The following CRTC1 variants were observed in gnomAD, a reference collection of about 807,000 sequenced individuals.
The protein encoded by CRTC1 is CREB regulated transcription coactivator 1.
A neutral mutation model predicts 66.1 loss-of-function variants in CRTC1; 18 were observed. The observed-to-expected ratio is 0.27, with a 90% confidence interval of 0.19 to 0.40. CRTC1 has a LOEUF of 0.40. CRTC1 is among the 10% of genes least tolerant of loss of function. CRTC1 has a pLI of 1.00. For missense variants in CRTC1, 669 were observed against 887.9 expected, an observed-to-expected ratio of 0.75 and a Z score of 3.13; for synonymous variants, 416 against 398.8, an observed-to-expected ratio of 1.04 and a Z score of -0.51.
rs2054915307 is a variant in CRTC1, at chr19:18,773,462, C to T, written c.1426-1438C>T. On this transcript the variant is annotated intron_variant, in intron 11 of 13. Coordinates refer to ENST00000321949, the MANE Select transcript of CRTC1 (RefSeq NM_015321.3). ...TCAGCCTGTGTTCCCCTGTGTATGC[C>T]AGGCCTTTTTGAGCCCAAGCCCTCA... 1.3e-5 allele frequency among the ~76,000 whole-genome samples: 2 copies of T among 152,184 alleles called. 1 individual carries two copies. Among genetic ancestry groups the T allele is most frequent in the South Asian group, 4.1e-4 (2 of 4,830 alleles).
At chr19:18,690,346 C>A (rs565701119) in intron 1 of CRTC1, among the ~76,000 whole-genome samples, 71 of 152,210 alleles carry the variant, frequency 4.7e-4, no homozygotes, top group South Asian at 1.5e-3. Flanking sequence ...AGTGTGGAGC[C>A]CGCCCCCCAG....
intron 5 of CRTC1, among the ~76,000 whole-genome samples, chr19:18,752,191 C>A (rs917479341): frequency 1.3e-5 from 2 of 151,570 alleles, no homozygotes; most frequent in Non-Finnish European, 2.9e-5. Context: ...TACACACAAG[C>A]TAGGCAGCTG....
At position 18,771,310 on chromosome 19, in the gene CRTC1, G is replaced by A. The variant is rs138381051; in HGVS notation, c.1321-132G>A. 857 of 681,032 alleles carry A rather than the reference G, an allele frequency of 1.3e-3. 3 individuals carry two copies. The African/African-American group carries it at 0.014, about 11-fold the overall frequency. 42.2% of individuals were successfully genotyped at this position (681,032 alleles called of 1,614,324 possible). On this transcript the variant is annotated intron_variant, in intron 10 of 13. Transcript: ENST00000321949. This position sits in a 1 kb window ranked among gnomAD's most constrained non-coding sequence, Gnocchi z 4.6. ...AGGCTCCTCTGCCTACCAGTGGGGT[G>A]GCGACCATCACCAAGGTGTGAGGGG... is the stretch of plus-strand genomic sequence containing the variant.
chr19:18,685,703 A>G (rs1568472446), intron 1 of CRTC1, among the ~76,000 whole-genome samples: 1 of 152,106 alleles, frequency 6.6e-6, no homozygotes. Context: ...GCATCCTTCC[A>G]CGTGAGTGTC....
At chr19:18,715,921 T>C (rs1401378988) in intron 1 of CRTC1, among the ~76,000 whole-genome samples, 4 of 152,170 alleles carry the variant, frequency 2.6e-5, no homozygotes, top group African/African-American at 9.7e-5. Context: ...GGTTGGCTGC[T>C]GTTTGGAGCT....
intron 1 of CRTC1, among the ~76,000 whole-genome samples, chr19:18,694,842 G>A (rs2052945491): frequency 6.6e-6 from 1 of 152,012 alleles, no homozygotes; most frequent in East Asian, 1.9e-4. Context: ...GGCTGGGGGT[G>A]GTTAGCAAGG....
At chr19:18,767,670 A>C (rs991844685) in intron 9 of CRTC1, among the ~76,000 whole-genome samples, 1 of 152,174 alleles carries the variant, frequency 6.6e-6, no homozygotes, top group Non-Finnish European at 1.5e-5. Context: ...ATCCAGACAG[A>C]GCTGTGGGCG....
chr19:18,701,225 C>T (rs1018038779), intron 1 of CRTC1, among the ~76,000 whole-genome samples: 4 of 152,266 alleles, frequency 2.6e-5, no homozygotes, highest in Non-Finnish European at 5.9e-5. Context: ...GAGCCCGGGG[C>T]TCATCACGCT....
Position 18,768,417 on chromosome 19 carries a change from TGGGGGCCCGAG to T in CRTC1, c.1012-63_1012-53del, listed in dbSNP as rs952108450. The T allele has an allele frequency of 6.5e-6, 9 of 1,375,942 alleles. No individual in the cohort carries two copies. Among genetic ancestry groups the T allele is most frequent in the Non-Finnish European group, 8.1e-6 (8 of 992,678 alleles). The allele number at this position is 1,375,942 out of a possible 1,614,324, so 85.2% of individuals were successfully genotyped here. A position where few individuals can be genotyped will look rare whatever the true frequency, so the allele number is the denominator to read the frequency against. Reference sequence around the variant, plus strand: ...CTCGCCTGCTGAGCATGCCAGGCTATGGGGGCCCGAGGGGGCCAGGCGCTGACAACCAGGGC... The same window carrying T: ...CTCGCCTGCTGAGCATGCCAGGCTATGGGGCCAGGCGCTGACAACCAGGGC... On this transcript the variant is annotated intron_variant, in intron 9 of 13. Transcript: ENST00000321949. This position sits in a 1 kb window ranked among gnomAD's most constrained non-coding sequence, Gnocchi z 5.6.
chr19:18,687,928 C>A (rs920225198), intron 1 of CRTC1, among the ~76,000 whole-genome samples: 1 of 152,090 alleles, frequency 6.6e-6, no homozygotes, highest in African/African-American at 2.4e-5. Context: ...GGCAGGCTGT[C>A]TATGGCGCTC....
intron 1 of CRTC1, among the ~76,000 whole-genome samples, chr19:18,710,921 C>G (rs2053376717): frequency 1.3e-5 from 2 of 152,280 alleles, no homozygotes; most frequent in South Asian, 2.1e-4. Flanking sequence ...CGGCCTCACC[C>G]TTGACTGTTT....
At chr19:18,690,876 A>G (rs896310739) in intron 1 of CRTC1, among the ~76,000 whole-genome samples, 1 of 151,962 alleles carries the variant, frequency 6.6e-6, no homozygotes, top group African/African-American at 2.4e-5. Flanking sequence ...ATACAAAAAA[A>G]TTAGCTGGGC....
chr19:18,745,724 G>A, intron 2 of CRTC1, 99 bp from the exon 3 acceptor site: 9 of 1,494,108 alleles, frequency 6.0e-6, no homozygotes, highest in Non-Finnish European at 8.3e-6. Context: ...CTCCAGAGTG[G>A]GGGGCCCTGC....
In CRTC1 at chr19:18,777,681, T is replaced by G; in HGVS notation, c.*299T>G. ...CTCCCTCGCCCCCAGCCCCGGGGCCTGAGCCGTCCCCTGTAAGATGCGGGA... is the reference window on the plus strand; with the variant it reads ...CTCCCTCGCCCCCAGCCCCGGGGCCGGAGCCGTCCCCTGTAAGATGCGGGA... On this transcript the variant is annotated 3_prime_UTR_variant, in exon 14 of 14. Transcript: ENST00000321949. This position sits in a 1 kb window ranked among gnomAD's most constrained non-coding sequence, Gnocchi z 5.5. The G allele has an allele frequency of 2.4e-6, 1 of 412,196 alleles. No individual in the cohort carries two copies. The highest frequency in any genetic ancestry group is 4.4e-6 in the Non-Finnish European group (1 of 227,912). 25.5% of individuals were successfully genotyped at this position (412,196 alleles called of 1,614,324 possible).
chr19:18,716,156 A>G (rs1169531293), intron 1 of CRTC1, among the ~76,000 whole-genome samples: 13 of 152,002 alleles, frequency 8.6e-5, no homozygotes, highest in Non-Finnish European at 1.5e-5. Context: ...TGAGTGCAGC[A>G]GCCACAGCCC....
chr19:18,773,863 C>T (rs984965794), intron 11 of CRTC1, among the ~76,000 whole-genome samples: 5 of 152,124 alleles, frequency 3.3e-5, no homozygotes, highest in Admixed American at 1.3e-4. Context: ...GTGGCCGGCC[C>T]CTCTCTGGGA....
chr19:18,751,811 G>C (rs1387762950), intron 5 of CRTC1, among the ~76,000 whole-genome samples: 1 of 152,284 alleles, frequency 6.6e-6, no homozygotes, highest in East Asian at 1.9e-4. Flanking sequence ...TTCAGCCACT[G>C]GGTGTCAGCA....
chr19:18,712,692 G>A (rs149104140), intron 1 of CRTC1, among the ~76,000 whole-genome samples: 1 of 152,090 alleles, frequency 6.6e-6, no homozygotes, highest in East Asian at 1.9e-4. Flanking sequence ...GGGTGCAGTT[G>A]CCCATTCCTA....
At chr19:18,764,159 G>T (rs932949696) in intron 8 of CRTC1, among the ~76,000 whole-genome samples, 22 of 152,200 alleles carry the variant, frequency 1.4e-4, no homozygotes, top group African/African-American at 5.3e-4. Flanking sequence ...ATCTCCCCTC[G>T]GCGCTTGTCG....
Sources: gnomAD v4.1 joint callset for allele counts (sites outside exome capture counted in the v4.1 genomes callset) on GRCh38, gnomAD v4.1.1 for gene constraint, Gnocchi (gnomAD v3.1) non-coding constraint, MANE v1.5 for transcripts, NCBI Gene and HGNC (gene_info 2026-07-23, HGNC 2026-07-21) for gene names.